Variants in NAA11 observed in about 807,000 individuals in gnomAD.
The protein encoded by NAA11 is N-alpha-acetyltransferase 11, NatA catalytic subunit.
NAA11 carries 15 observed loss-of-function variants against 16.1 expected under a neutral mutation model. The observed-to-expected ratio is 0.93, with a 90% confidence interval of 0.62 to 1.44. The LOEUF (loss-of-function observed/expected upper bound fraction) is 1.44. Ranked by LOEUF, NAA11 falls within the 40% of genes most tolerant of loss-of-function variation. The pLI, the probability that NAA11 is intolerant of heterozygous loss-of-function variation, is 0.00. For missense variants in NAA11, 298 were observed against 291.3 expected, an observed-to-expected ratio of 1.02 and a Z score of -0.17; for synonymous variants, 122 against 112.4, an observed-to-expected ratio of 1.09 and a Z score of -0.54.
the NAA11 span, among the ~76,000 whole-genome samples, chr4:79,176,928 G>C: frequency 1.3e-5 from 2 of 152,202 alleles, no homozygotes; most frequent in African/African-American, 4.8e-5. Flanking sequence ...TCCACCCTCA[G>C]GTGTCATACC....
At chr4:79,290,076 T>C (rs773068239) in intron 2 of NAA11, among the ~76,000 whole-genome samples, 12 of 152,152 alleles carry the variant, frequency 7.9e-5, no homozygotes, top group Admixed American at 2.0e-4. Context: ...TTTTTGAAGG[T>C]GAGTTTGAGG....
At chr4:79,305,346 A>G (rs965912842) in intron 1 of NAA11, among the ~76,000 whole-genome samples, 2 of 152,258 alleles carry the variant, frequency 1.3e-5, no homozygotes, top group African/African-American at 4.8e-5. Context: ...TGCCTTTTAG[A>G]AAATTATATT....
In NAA11 at chr4:79,240,712, A is replaced by G. The variant is rs546875145; in HGVS notation, c.*123-14442T>C. Among the ~76,000 whole-genome samples, 10 of 152,240 alleles carry G rather than the reference A, an allele frequency of 6.6e-5. No homozygotes were observed. The South Asian group carries it at 1.7e-3, about 25-fold the overall frequency. On this transcript the variant is annotated intron_variant and NMD_transcript_variant, in intron 2 of 2. Transcript: ENST00000511542. ...GAAAAAACATATCAAAAGAAAAAGA[A>G]GTTACTTTTTCTGGTTGGAATGATC...
chr4:79,160,211 C>T, the NAA11 span, among the ~76,000 whole-genome samples: 1 of 152,054 alleles, frequency 6.6e-6, no homozygotes, highest in Non-Finnish European at 1.5e-5. Context: ...AGGCTGGTCT[C>T]GAACTCCTGA....
At chr4:79,208,872 C>T in the NAA11 span, among the ~76,000 whole-genome samples, 4 of 132,036 alleles carry the variant, frequency 3.0e-5, no homozygotes, top group Non-Finnish European at 6.3e-5. Flanking sequence ...ATAAATTCCC[C>T]CAAATCTGGA....
chr4:79,231,578 T>TA (rs1721468289), intron 2 of NAA11, among the ~76,000 whole-genome samples: 1 of 151,818 alleles, frequency 6.6e-6, no homozygotes, highest in Admixed American at 6.6e-5. Context: ...TATGAATCCC[T>TA]AAAAGGAGTC....
At chr4:79,245,181 G>T in intron 2 of NAA11, 1 of 158,744 alleles carries the variant, frequency 6.3e-6, no homozygotes, top group Non-Finnish European at 1.4e-5. Context: ...AGGAAGTGAG[G>T]AACATCTCTG....
the NAA11 span, among the ~76,000 whole-genome samples, chr4:79,202,623 T>TTTTATATATATATATATATATATA: frequency 5.9e-4 from 31 of 52,630 alleles, no homozygotes; most frequent in African/African-American, 1.2e-3. Context: ...ATATATAGTT[T>TTTTATATATATATATATATATATA]TATATATATA....
At chr4:79,175,752 A>G in the NAA11 span, among the ~76,000 whole-genome samples, 4 of 151,780 alleles carry the variant, frequency 2.6e-5, no homozygotes, top group Admixed American at 2.6e-4. Flanking sequence ...GTAAAAAAAA[A>G]AAAAAAAAAA....
intron 2 of NAA11, chr4:79,245,278 C>G (rs552755749): frequency 6.4e-6 from 1 of 157,334 alleles, no homozygotes; most frequent in African/African-American, 2.4e-5. Flanking sequence ...CCCGGGCCAT[C>G]ATCCCGTCTA....
chr4:79,230,891 A>T (rs4246716), intron 2 of NAA11, among the ~76,000 whole-genome samples: 18,396 of 151,982 alleles, frequency 0.12, 1,357 homozygotes, highest in African/African-American at 0.19. Context: ...TAGCTATCCT[A>T]AAAAAACCTT....
At chr4:79,280,077 A>AT (rs1722749072) in intron 2 of NAA11, among the ~76,000 whole-genome samples, 1 of 152,118 alleles carries the variant, frequency 6.6e-6, no homozygotes, top group Non-Finnish European at 1.5e-5. Context: ...CAACGGAGTC[A>AT]TTTTTTAAAG....
the NAA11 span, among the ~76,000 whole-genome samples, chr4:79,218,773 T>C: frequency 6.6e-6 from 1 of 152,150 alleles, no homozygotes; most frequent in Admixed American, 6.6e-5. Context: ...CAAATTACTT[T>C]GGAAAGATTT....
chr4:79,277,832 A>T (rs1722695647), intron 2 of NAA11, among the ~76,000 whole-genome samples: 1 of 151,794 alleles, frequency 6.6e-6, no homozygotes, highest in Non-Finnish European at 1.5e-5. Flanking sequence ...AGGGATAAGA[A>T]CCCCTTCCCC....
the NAA11 span, among the ~76,000 whole-genome samples, chr4:79,214,767 C>T: frequency 6.6e-6 from 1 of 152,084 alleles, no homozygotes; most frequent in Admixed American, 6.6e-5. Context: ...CACTGCACTG[C>T]AGTCTGGGCA....
At chr4:79,160,003 T>A in the NAA11 span, among the ~76,000 whole-genome samples, 2 of 151,824 alleles carry the variant, frequency 1.3e-5, no homozygotes, top group African/African-American at 4.8e-5. Flanking sequence ...TTTTTTTTTT[T>A]TTTTTAAGAC....
chr4:79,167,781 C>T, the NAA11 span, among the ~76,000 whole-genome samples: 12 of 151,710 alleles, frequency 7.9e-5, no homozygotes, highest in East Asian at 7.7e-4. Context: ...TCATGGAAGG[C>T]GAAGGGGAAG....
At chr4:79,225,598 A>G (rs968087470), downstream of NAA11, 1 of 152,094 alleles carries the variant, frequency 6.6e-6, no homozygotes, top group Non-Finnish European at 1.5e-5. Flanking sequence ...GACACCACTT[A>G]AAATTATGGG....
intron 1 of NAA11, chr4:79,305,209 CAA>C (rs1723539890): frequency 6.6e-6 from 1 of 152,130 alleles, no homozygotes; most frequent in South Asian, 2.1e-4. Context: ...ACTTTATCTT[CAA>C]ATAGAGGCTC....
Sources: gnomAD v4.1 joint callset for allele counts (sites outside exome capture counted in the v4.1 genomes callset) on GRCh38, gnomAD v4.1.1 for gene constraint, MANE v1.5 for transcripts, NCBI Gene and HGNC (gene_info 2026-07-23, HGNC 2026-07-21) for gene names.